INVS: variants seen among roughly 807,000 people sequenced by gnomAD.
The protein encoded by INVS is inversin, also known as inversion of embryo turning homolog.
INVS carries 86 observed loss-of-function variants against 108.8 expected under a neutral mutation model. That is an observed-to-expected ratio of 0.79 (90% CI 0.66 to 0.95). The LOEUF is 0.95. Ranked by LOEUF, INVS falls within the 40% of genes least tolerant of loss-of-function variation. The probability of loss-of-function intolerance (pLI) is 0.00; values close to 1 mark genes in which losing one functional copy is unlikely to be tolerated. For missense variants in INVS, 1,169 were observed against 1,297.4 expected, an observed-to-expected ratio of 0.90 and a Z score of 1.52; for synonymous variants, 455 against 473.5, an observed-to-expected ratio of 0.96 and a Z score of 0.51.
Position 100,152,387 on chromosome 9 carries a change from A to T in INVS, c.273+25838A>T, listed in dbSNP as rs145359854. Among the ~76,000 whole-genome samples the T allele has an allele frequency of 3.6e-4, 55 of 152,316 alleles. No individual in the cohort carries two copies. The East Asian group carries it at 9.8e-3, about 27-fold the overall frequency. ...TATGAGTCACCAAGATTCTCATCCT[A>T]ATCTTTGATATTAAAATAGATACTG... On this transcript the variant is annotated intron_variant, in intron 3 of 16. Coordinates refer to ENST00000262457, the MANE Select transcript of INVS (RefSeq NM_014425.5).
intron 13 of INVS, among the ~76,000 whole-genome samples, chr9:100,289,782 T>G (rs904902042): frequency 1.3e-5 from 2 of 152,238 alleles, no homozygotes; most frequent in African/African-American, 4.8e-5. Flanking sequence ...AAGAAACATC[T>G]TGGTTGCTTC....
chr9:100,149,478 C>T (rs1159533795), intron 3 of INVS, among the ~76,000 whole-genome samples: 1 of 152,204 alleles, frequency 6.6e-6, no homozygotes, highest in African/African-American at 2.4e-5. Context: ...AGTCTTGCTT[C>T]ATTTTATTCC....
In INVS at chr9:100,253,079, C is replaced by T; in HGVS notation, c.1407C>T (p.Ile469=). 2 of 1,613,982 alleles carry T rather than the reference C, an allele frequency of 1.2e-6. No individual in the cohort carries two copies. The highest frequency in any genetic ancestry group is 1.7e-6 in the Non-Finnish European group (2 of 1,179,894). ...PLQCAAYGGY[I]NCMAVLMENN... is the part of the protein sequence containing the mutation. ...AGTGTGCAGCATATGGAGGCTATATCAACTGCATGGCAGTTCTCATGGAAA... is the reference window on the plus strand; with the variant it reads ...AGTGTGCAGCATATGGAGGCTATATTAACTGCATGGCAGTTCTCATGGAAA... The change falls in exon 10 of 17, where the codon ATC becomes ATT. Residue 469 remains isoleucine (I), a synonymous_variant. Transcript: ENST00000262457.
At chr9:100,193,715 T>C (rs1157708511) in intron 3 of INVS, among the ~76,000 whole-genome samples, 2 of 152,236 alleles carry the variant, frequency 1.3e-5, no homozygotes, top group African/African-American at 4.8e-5. Flanking sequence ...GCCTAGCTTC[T>C]TTCACTCAGT....
chr9:100,265,070 G>C (rs1333049994), intron 11 of INVS, 142 bp downstream of exon 11: 2 of 674,150 alleles, frequency 3.0e-6, no homozygotes, highest in Non-Finnish European at 5.3e-6. Context: ...AGCCTCCTGA[G>C]TACCTGGGAT....
intron 7 of INVS, 26 bp from the exon 8 acceptor site, chr9:100,246,590 A>AT: frequency 3.8e-6 from 6 of 1,581,816 alleles, no homozygotes; most frequent in Non-Finnish European, 5.2e-6. Context: ...TTTTGTCTCC[A>AT]TTTTTTAAAT....
chr9:100,231,301 TG>T (rs2118439393), intron 5 of INVS, among the ~76,000 whole-genome samples: 1 of 152,320 alleles, frequency 6.6e-6, no homozygotes, highest in African/African-American at 2.4e-5. Flanking sequence ...GCATTTTTTT[TG>T]TATCTCAAAT....
chr9:100,230,207 A>C (rs559561679), intron 5 of INVS, among the ~76,000 whole-genome samples: 11 of 152,332 alleles, frequency 7.2e-5, no homozygotes, highest in African/African-American at 2.6e-4. Context: ...ATGAAACAAC[A>C]AATACTCATA....
intron 5 of INVS, among the ~76,000 whole-genome samples, 194 bp from the exon 6 acceptor site, chr9:100,239,864 TGG>T (rs1831810200): frequency 6.6e-6 from 1 of 151,932 alleles, no homozygotes. Context: ...CCCAGCTACT[TGG>T]GAAGCTGAGG....
At chr9:100,175,527 A>G in intron 3 of INVS, 5 of 745,404 alleles carry the variant, frequency 6.7e-6, no homozygotes, top group East Asian at 5.1e-5. Context: ...AGAACTTTAC[A>G]GCATCCTGAA....
intron 2 of INVS, among the ~76,000 whole-genome samples, chr9:100,110,773 G>A (rs777678953): frequency 6.6e-6 from 1 of 152,182 alleles, no homozygotes; most frequent in Non-Finnish European, 1.5e-5. Context: ...ATAGCAAGGT[G>A]TTGGGGCAAG....
chr9:100,251,801 A>G (rs1434913580), intron 8 of INVS, among the ~76,000 whole-genome samples: 1 of 152,228 alleles, frequency 6.6e-6, no homozygotes, highest in Non-Finnish European at 1.5e-5. Context: ...GGGGTACTTC[A>G]GCCAACTGAA....
intron 13 of INVS, among the ~76,000 whole-genome samples, chr9:100,288,664 A>G (rs1238651238): frequency 2.6e-5 from 4 of 151,506 alleles, no homozygotes; most frequent in African/African-American, 9.7e-5. Context: ...CCTGTCACCC[A>G]GGCTGGAGTG....
Position 100,229,813 on chromosome 9 carries a change from G to A in INVS, c.601G>A (p.Val201Met), listed in dbSNP as rs1831449504. The A allele has an allele frequency of 1.2e-6, 2 of 1,614,110 alleles. No individual in the cohort carries two copies. The highest frequency in any genetic ancestry group is 1.7e-4 in the Middle Eastern group (1 of 6,060). ...TAAAGATCCAAGTGCTGTTCACACAGTGAGATGCATTCTGGTGAGTTGAAT... is the reference window on the plus strand; with the variant it reads ...TAAAGATCCAAGTGCTGTTCACACAATGAGATGCATTCTGGTGAGTTGAAT... ...NHKDPSAVHT[V>M]RCILDAAPTE... Residue 201 changes from valine to methionine, a missense_variant, in exon 5 of 17, where the codon GTG (valine) becomes ATG (methionine). Around this residue, in one of 3 missense-constraint regions of INVS, gnomAD observed 365 missense variants for 397.5 expected, o/e 0.92. Transcript: ENST00000262457.
chr9:100,223,382 C>G (rs1428302687), intron 3 of INVS, among the ~76,000 whole-genome samples: 2 of 152,252 alleles, frequency 1.3e-5, no homozygotes, highest in East Asian at 3.9e-4. Flanking sequence ...CAGGCATGAG[C>G]CACCACTCCC....
intron 3 of INVS, among the ~76,000 whole-genome samples, chr9:100,194,703 C>T (rs1057242394): frequency 2.6e-5 from 4 of 152,202 alleles, no homozygotes; most frequent in African/African-American, 9.6e-5. Context: ...AAATTAACTT[C>T]AATTTTTAAA....
Position 100,281,369 on chromosome 9 carries a change from A to C in INVS, c.1785-2951A>C, listed in dbSNP as rs1242413488. On this transcript the variant is annotated intron_variant, in intron 12 of 16. Transcript: ENST00000262457. ...GGTTCTGGACCTTTTCCCCAGGGAGAGACATATATGTGGGGTCACGTTCAA... is the reference window on the plus strand; with the variant it reads ...GGTTCTGGACCTTTTCCCCAGGGAGCGACATATATGTGGGGTCACGTTCAA... Among the ~76,000 whole-genome samples the C allele has an allele frequency of 3.3e-5, 5 of 152,172 alleles. 1 individual carries two copies. In the South Asian group the frequency reaches 6.2e-4, roughly 19 times the overall value.
chr9:100,129,672 G>T, intron 3 of INVS: 1 of 710,998 alleles, frequency 1.4e-6, no homozygotes. Context: ...TACATTGTTT[G>T]AAGGCATTGA....
Position 100,242,669 on chromosome 9 carries a change from G to T in INVS, c.896G>T (p.Ser299Ile), listed in dbSNP as rs767263751. ...ACACCTTTGCACTATGCTGCTCAGA[G>T]TAACTTTGCTGTAAGTAAAACAAGA... ...GATPLHYAAQ[S>I]NFAETVKVFL... Residue 299 changes from serine to isoleucine, a missense_variant, in exon 7 of 17, where the codon AGT becomes ATT. Coordinates refer to ENST00000262457, the MANE Select transcript of INVS (RefSeq NM_014425.5). 1 of 1,588,500 alleles carries T rather than the reference G, an allele frequency of 6.3e-7. No homozygotes were observed. The highest frequency in any genetic ancestry group is 1.1e-5 in the South Asian group (1 of 90,552).
Sources: allele counts gnomAD v4.1 joint callset (sites outside exome capture counted in the v4.1 genomes callset), GRCh38; gene constraint gnomAD v4.1.1; regional missense constraint gnomAD v4.1.1; transcripts MANE v1.5; gene names NCBI Gene and HGNC (gene_info 2026-07-23, HGNC 2026-07-21).